ITFG1: variants seen among roughly 807,000 people sequenced by gnomAD.
ITFG1 encodes integrin alpha FG-GAP repeat containing 1.
ITFG1 carries 34 observed loss-of-function variants against 81.8 expected under a neutral mutation model. The observed-to-expected ratio is 0.42, with a 90% CI of 0.32 to 0.55. ITFG1 has a LOEUF of 0.55. ITFG1 is among the 20% of genes least tolerant of loss of function. ITFG1 has a pLI of 0.17. For synonymous variants in ITFG1, 285 were observed against 270.6 expected, an observed-to-expected ratio of 1.05 and a Z score of -0.52; for missense variants, 672 against 755.4, an observed-to-expected ratio of 0.89 and a Z score of 1.29.
intron 13 of ITFG1, among the ~76,000 whole-genome samples, chr16:47,235,227 G>A (rs1965859796): frequency 6.6e-6 from 1 of 152,130 alleles, no homozygotes; most frequent in Admixed American, 6.6e-5. Context: ...ATTTTCCCAG[G>A]CAGGTACACT....
intron 1 of ITFG1, among the ~76,000 whole-genome samples, chr16:47,460,544 T>C (rs954692481): frequency 1.3e-5 from 2 of 151,992 alleles, no homozygotes; most frequent in Non-Finnish European, 2.9e-5. Flanking sequence ...GGTGATTCCA[T>C]GGGGAGGAGG....
chr16:47,385,952 T>C (rs1489314884), intron 6 of ITFG1, among the ~76,000 whole-genome samples: 1 of 152,184 alleles, frequency 6.6e-6, no homozygotes, highest in African/African-American at 2.4e-5. Context: ...AGAATATTCC[T>C]TTGGAGCATA....
chr16:47,178,439 G>A (rs1965056713), intron 14 of ITFG1, among the ~76,000 whole-genome samples: 2 of 152,280 alleles, frequency 1.3e-5, no homozygotes, highest in Middle Eastern at 3.4e-3. Flanking sequence ...ACAACTATCT[G>A]ATCTTTGACA....
At chr16:47,266,036 A>G (rs572881713) in intron 10 of ITFG1, among the ~76,000 whole-genome samples, 2 of 152,334 alleles carry the variant, frequency 1.3e-5, no homozygotes, top group South Asian at 4.1e-4. Context: ...AACCTAATTT[A>G]AAAAATGAAC....
chr16:47,388,929 T>G (rs960012782), intron 6 of ITFG1, among the ~76,000 whole-genome samples: 14 of 152,150 alleles, frequency 9.2e-5, no homozygotes, highest in African/African-American at 3.4e-4. Context: ...ACAAGACTGG[T>G]AAGTTTAGGT....
At chr16:47,402,084 A>G (rs1406795929) in intron 6 of ITFG1, among the ~76,000 whole-genome samples, 1 of 152,224 alleles carries the variant, frequency 6.6e-6, no homozygotes, top group Non-Finnish European at 1.5e-5. Flanking sequence ...ATATAGGCAC[A>G]TGACAACTGT....
At chr16:47,287,014 A>G (rs1249998110) in intron 10 of ITFG1, among the ~76,000 whole-genome samples, 1 of 152,142 alleles carries the variant, frequency 6.6e-6, no homozygotes, top group East Asian at 1.9e-4. Flanking sequence ...AATTTGTTCA[A>G]AAGTTTGGCT....
upstream of ITFG1, chr16:47,461,235 G>A (rs186032973): frequency 3.1e-4 from 312 of 1,002,978 alleles, 1 homozygote; most frequent in East Asian, 8.0e-3. Flanking sequence ...GGTGAAAGCC[G>A]CCCTCACGCT....
In ITFG1 at chr16:47,409,374, C is replaced by CTATATATATATATA. The variant is rs1187875461; in HGVS notation, c.655+19416_655+19429dup. Among the ~76,000 whole-genome samples, 97 of 20,978 alleles carry CTATATATATATATA rather than the reference C, an allele frequency of 4.6e-3. 6 individuals are homozygous for CTATATATATATATA. In the East Asian group the frequency reaches 0.052, roughly 11 times the overall value. 13.8% of individuals were successfully genotyped at this position (20,978 alleles called of 152,430 possible). A position where few individuals can be genotyped will look rare whatever the true frequency, so the allele number is the denominator to read the frequency against. On this transcript the variant is annotated intron_variant, in intron 6 of 17. Transcript: ENST00000320640. ...ACATAACAAGACACATACACACACA[C>CTATATATATATATA]TATATATATATATATATATATATAT...
chr16:47,434,232 C>G (rs1360137905), intron 5 of ITFG1, among the ~76,000 whole-genome samples: 1 of 151,836 alleles, frequency 6.6e-6, no homozygotes, highest in Non-Finnish European at 1.5e-5. Context: ...TAAAGAGTTT[C>G]TGCACAGCGA....
intron 5 of ITFG1, among the ~76,000 whole-genome samples, chr16:47,439,269 T>C (rs1969212365): frequency 6.6e-6 from 1 of 152,140 alleles, no homozygotes; most frequent in African/African-American, 2.4e-5. Context: ...CTGCAGGATA[T>C]TATCCAGGAG....
chr16:47,294,199 T>C (rs537263238), intron 10 of ITFG1, among the ~76,000 whole-genome samples: 6 of 152,270 alleles, frequency 3.9e-5, no homozygotes, highest in South Asian at 2.1e-4. Flanking sequence ...GGTTTCCACA[T>C]TCTGTTTCAT....
At position 47,358,981 on chromosome 16, in the gene ITFG1, A is replaced by G. The variant is rs1968075333; in HGVS notation, c.802+6807T>C. Among the ~76,000 whole-genome samples the G allele has an allele frequency of 2.0e-5, 3 of 152,208 alleles. No homozygotes were observed. In the South Asian group the frequency reaches 6.2e-4, roughly 32 times the overall value. On this transcript the variant is annotated intron_variant, in intron 8 of 17. Coordinates refer to ENST00000320640, the MANE Select transcript of ITFG1 (RefSeq NM_030790.5). ...GGGGGTAGGGTTTACAGTTTTAAAT[A>G]GAGTGGTCAGGGAAGGCCTCCAGGA...
intron 10 of ITFG1, among the ~76,000 whole-genome samples, chr16:47,294,400 T>C (rs187842713): frequency 6.6e-6 from 1 of 152,132 alleles, no homozygotes; most frequent in Non-Finnish European, 1.5e-5. Flanking sequence ...AAAACTGACA[T>C]TGGCATTTTC....
Position 47,429,029 on chromosome 16 carries a change from C to T in ITFG1, c.561-131G>A. ...TGATATATTCAACATACAATTCATT[C>T]TCTTAAAGTGCAGTGAGTGGTTTTT... is the stretch of plus-strand genomic sequence containing the variant. On this transcript the variant is annotated intron_variant, in intron 5 of 17. Transcript: ENST00000320640. The T allele has an allele frequency of 4.9e-6, 3 of 615,830 alleles. No homozygotes were observed. The East Asian group carries it at 8.5e-5, about 17-fold the overall frequency. The allele number at this position is 615,830 out of a possible 1,614,324, so 38.1% of individuals were successfully genotyped here.
intron 10 of ITFG1, among the ~76,000 whole-genome samples, chr16:47,292,098 CCACCTTCT>C: frequency 6.6e-6 from 1 of 151,862 alleles, no homozygotes; most frequent in Non-Finnish European, 1.5e-5. Flanking sequence ...ACTGCAACCT[CCACCTTCT>C]GGTTTCAAGA....
At chr16:47,161,587 T>C in intron 16 of ITFG1, 163 bp downstream of exon 16, 1 of 446,744 alleles carries the variant, frequency 2.2e-6, no homozygotes, top group Non-Finnish European at 4.1e-6. Flanking sequence ...CTGGGACCTT[T>C]TATGTAAGTA....
At chr16:47,439,028 C>T (rs938504540) in intron 5 of ITFG1, among the ~76,000 whole-genome samples, 1 of 152,104 alleles carries the variant, frequency 6.6e-6, no homozygotes, top group East Asian at 1.9e-4. Context: ...ACGAGAACTA[C>T]GTGACGAATG....
At position 47,198,172 on chromosome 16, in the gene ITFG1, A is replaced by G. The variant is rs559784482; in HGVS notation, c.1453+20696T>C. Among the ~76,000 whole-genome samples, 15 of 152,366 alleles carry G rather than the reference A, an allele frequency of 9.8e-5. No homozygotes were observed. The South Asian group carries it at 2.5e-3, about 25-fold the overall frequency. Reference sequence around the variant, plus strand: ...TAATCTTTTCTATACGTTTACTTGAAACAATTATAGGATGAGTAACTTGAG... The same window carrying G: ...TAATCTTTTCTATACGTTTACTTGAGACAATTATAGGATGAGTAACTTGAG... On this transcript the variant is annotated intron_variant, in intron 14 of 17. Transcript: ENST00000320640.
Sources: gnomAD v4.1 joint callset for allele counts (sites outside exome capture counted in the v4.1 genomes callset) on GRCh38, gnomAD v4.1.1 for gene constraint, MANE v1.5 for transcripts, NCBI Gene and HGNC (gene_info 2026-07-23, HGNC 2026-07-21) for gene names.